Variants in C17orf67 observed in about 807,000 individuals in gnomAD.
C17orf67 encodes the protein uncharacterized protein C17orf67.
Under a neutral mutation model 11.2 loss-of-function variants are expected in C17orf67, and 12 were observed. That is an observed-to-expected ratio of 1.07 (90% CI 0.68 to 1.73). C17orf67 has a LOEUF of 1.73. Ranked by LOEUF, C17orf67 falls within the 40% of genes most tolerant of loss-of-function variation. The pLI, the probability that C17orf67 is intolerant of heterozygous loss-of-function variation, is 0.00. For synonymous variants in C17orf67, 59 were observed against 46.9 expected, an observed-to-expected ratio of 1.26 and a Z score of -1.05; for missense variants, 115 against 113.5, an observed-to-expected ratio of 1.01 and a Z score of -0.06.
chr17:56,831,137 G>T (rs746799292), intron 2 of C17orf67, among the ~76,000 whole-genome samples: 3 of 140,620 alleles, frequency 2.1e-5, no homozygotes, highest in Non-Finnish European at 4.6e-5. Flanking sequence ...AAAGCAGGAA[G>T]ACCAGGTGGG....
chr17:56,811,648 T>C (rs190042890), intron 6 of C17orf67, among the ~76,000 whole-genome samples: 40 of 150,678 alleles, frequency 2.7e-4, no homozygotes, highest in Admixed American at 1.3e-3. Context: ...CTCCACACAA[T>C]GGGCACCTTG....
At chr17:56,825,560 A>G (rs1036469987) in intron 2 of C17orf67, among the ~76,000 whole-genome samples, 3 of 152,236 alleles carry the variant, frequency 2.0e-5, no homozygotes, top group Non-Finnish European at 4.4e-5. Context: ...CAAATTCTTT[A>G]ACTAAATCTG....
chr17:56,805,209 C>G (rs1204643164), intron 6 of C17orf67, among the ~76,000 whole-genome samples: 1 of 152,154 alleles, frequency 6.6e-6, no homozygotes, highest in Admixed American at 6.6e-5. Context: ...AAAGGCCTCT[C>G]AAAAACGACA....
intron 2 of C17orf67, among the ~76,000 whole-genome samples, chr17:56,828,087 G>A (rs145176448): frequency 0.014 from 1,714 of 123,742 alleles, 27 homozygotes; most frequent in African/African-American, 0.05. Context: ...CCAGCCTGGC[G>A]ACAGAACAAG....
chr17:56,818,156 TAAAAAA>T (rs952874915), intron 4 of C17orf67, among the ~76,000 whole-genome samples: 17 of 139,752 alleles, frequency 1.2e-4, no homozygotes, highest in Admixed American at 5.7e-4. Context: ...TAGCATTATT[TAAAAAA>T]AAAAAAAAGA....
At chr17:56,813,693 C>T (rs1406298813) in intron 6 of C17orf67, among the ~76,000 whole-genome samples, 1 of 152,076 alleles carries the variant, frequency 6.6e-6, no homozygotes, top group Non-Finnish European at 1.5e-5. Flanking sequence ...AACCTACAGC[C>T]CCGGCACCTA....
At chr17:56,820,767 CTT>C (rs746734939) in intron 4 of C17orf67, among the ~76,000 whole-genome samples, 13,096 of 121,964 alleles carry the variant, frequency 0.11, 351 homozygotes, top group South Asian at 0.14. Flanking sequence ...GTGAGTTTCC[CTT>C]TTTTTTTTTT....
At chr17:56,816,634 C>G (rs1905768292) in intron 4 of C17orf67, among the ~76,000 whole-genome samples, 1 of 152,230 alleles carries the variant, frequency 6.6e-6, no homozygotes, top group Non-Finnish European at 1.5e-5. Flanking sequence ...ATCATGTGCT[C>G]TTCCCAGTAA....
intron 6 of C17orf67, among the ~76,000 whole-genome samples, chr17:56,801,525 T>G (rs1905321582): frequency 1.3e-5 from 2 of 152,212 alleles, no homozygotes; most frequent in African/African-American, 4.8e-5. Flanking sequence ...TTCTGATTTT[T>G]TTTTTCTTTC....
chr17:56,810,152 T>TCA (rs140946760), intron 6 of C17orf67, among the ~76,000 whole-genome samples: 91,221 of 116,412 alleles, frequency 0.78, 35,924 homozygotes, highest in Middle Eastern at 0.84. Flanking sequence ...CGCACACCCC[T>TCA]CACACCCCCA....
At chr17:56,830,470 AAC>A (rs1385479886) in intron 2 of C17orf67, among the ~76,000 whole-genome samples, 37 of 152,256 alleles carry the variant, frequency 2.4e-4, no homozygotes, top group Non-Finnish European at 2.9e-5. Context: ...TTTTTCAAAA[AAC>A]AAAATTAATA....
At position 56,808,153 on chromosome 17, in the gene C17orf67, C is replaced by T. The variant is rs867922663; in HGVS notation, c.156+6716G>A. On this transcript the variant is annotated intron_variant, in intron 6 of 7. Coordinates refer to ENST00000397861, the MANE Select transcript of C17orf67 (RefSeq NM_001085430.4). ...GCCACTTCCACATTCTAGCCATTCCCTTGCTCTCTTGTCAGCCCCCACCAC... is the reference window on the plus strand; with the variant it reads ...GCCACTTCCACATTCTAGCCATTCCTTTGCTCTCTTGTCAGCCCCCACCAC... 9.9e-5 allele frequency among the ~76,000 whole-genome samples: 15 copies of T among 152,254 alleles called. No individual in the cohort carries two copies. The South Asian group carries it at 2.3e-3, about 23-fold the overall frequency.
intron 6 of C17orf67, chr17:56,804,121 T>C (rs959452543): frequency 6.6e-6 from 1 of 152,202 alleles, no homozygotes; most frequent in Non-Finnish European, 1.5e-5. Context: ...CAAAAACCAG[T>C]ATCTGTGTTC....
intron 4 of C17orf67, among the ~76,000 whole-genome samples, chr17:56,822,242 G>A (rs920075367): frequency 1.3e-5 from 2 of 152,214 alleles, no homozygotes; most frequent in Non-Finnish European, 2.9e-5. Flanking sequence ...GATGGTTAGT[G>A]TGTCCAAATC....
intron 6 of C17orf67, among the ~76,000 whole-genome samples, chr17:56,802,649 C>A (rs554163473): frequency 5.6e-4 from 86 of 152,354 alleles, no homozygotes; most frequent in African/African-American, 1.8e-3. Context: ...GCACATGATT[C>A]TTGGCACATA....
At chr17:56,824,103 G>A (rs1237429650) in intron 4 of C17orf67, among the ~76,000 whole-genome samples, 1 of 152,196 alleles carries the variant, frequency 6.6e-6, no homozygotes, top group Non-Finnish European at 1.5e-5. Context: ...TTTAAGAGTT[G>A]ATTAAGTCAC....
chr17:56,796,470 G>C (rs542080949), intron 6 of C17orf67, among the ~76,000 whole-genome samples: 55 of 152,254 alleles, frequency 3.6e-4, no homozygotes, highest in African/African-American at 1.3e-3. Context: ...GGACCACACG[G>C]TGTATGATTC....
At chr17:56,823,019 G>C (rs995775374) in intron 4 of C17orf67, among the ~76,000 whole-genome samples, 1 of 152,236 alleles carries the variant, frequency 6.6e-6, no homozygotes, top group African/African-American at 2.4e-5. Context: ...CTGATGGCCA[G>C]TGTCAGGCTT....
chr17:56,795,288 G>C (rs1905192004), intron 6 of C17orf67, 108 bp from the exon 7 acceptor site: 1 of 967,040 alleles, frequency 1.0e-6, no homozygotes, highest in Admixed American at 1.8e-5. Flanking sequence ...TGGGAGGACA[G>C]GCAGGGAGAA....
Sources: gnomAD v4.1 joint callset for allele counts (sites outside exome capture counted in the v4.1 genomes callset) on GRCh38, gnomAD v4.1.1 for gene constraint, MANE v1.5 for transcripts, NCBI Gene and HGNC (gene_info 2026-07-23, HGNC 2026-07-21) for gene names.